COL28A1: variants seen among roughly 807,000 people sequenced by gnomAD.
The protein encoded by COL28A1 is collagen alpha-1(XXVIII) chain.
A neutral mutation model predicts 150.2 loss-of-function variants in COL28A1; 161 were observed. The ratio of observed to expected loss-of-function variants is 1.07; its 90% CI spans 0.94 to 1.22. The LOEUF (loss-of-function observed/expected upper bound fraction) is 1.22, where lower values mean the gene tolerates loss of function less well. Among genes scored for constraint, COL28A1 ranks in the 50% most tolerant of loss-of-function variants. The pLI is 0.00. For missense variants in COL28A1, 1,617 were observed against 1,388.3 expected (o/e 1.16, Z -2.62); for synonymous variants, 552 against 469.7 (o/e 1.18, Z -2.26).
chr7:7,526,391 G>C (rs1782026152), intron 3 of COL28A1, among the ~76,000 whole-genome samples: 2 of 152,184 alleles, frequency 1.3e-5, no homozygotes, highest in Middle Eastern at 3.2e-3. Context: ...GAGTGCAAAA[G>C]CAAGTTGTAG....
At chr7:7,538,174 C>G (rs1396988226), upstream of COL28A1, among the ~76,000 whole-genome samples, 1 of 152,178 alleles carries the variant, frequency 6.6e-6, no homozygotes, top group Admixed American at 6.5e-5. Context: ...TTTCATCAAT[C>G]TATAAAAGAC....
chr7:7,343,283 T>G, the COL28A1 span, among the ~76,000 whole-genome samples: 4 of 152,060 alleles, frequency 2.6e-5, no homozygotes, highest in African/African-American at 9.7e-5. Flanking sequence ...GGTATCACCT[T>G]TTTAAAATTG....
intron 30 of COL28A1, among the ~76,000 whole-genome samples, chr7:7,379,636 C>T (rs1342770675): frequency 2.0e-5 from 3 of 152,182 alleles, no homozygotes. Flanking sequence ...TTACTGGATA[C>T]ATCCAATAAA....
At chr7:7,383,236 A>C (rs1583257694) in intron 27 of COL28A1, among the ~76,000 whole-genome samples, 1 of 149,384 alleles carries the variant, frequency 6.7e-6, no homozygotes, top group African/African-American at 2.5e-5. Flanking sequence ...TCAAAATAAT[A>C]CATCTTTTTT....
intron 11 of COL28A1, among the ~76,000 whole-genome samples, chr7:7,498,233 A>C (rs1780325522): frequency 1.3e-5 from 2 of 152,120 alleles, no homozygotes; most frequent in Admixed American, 1.3e-4. Flanking sequence ...AATGCAAGTC[A>C]TTTTCTCTGA....
chr7:7,410,807 C>A (rs898253565), intron 27 of COL28A1, among the ~76,000 whole-genome samples: 6 of 152,162 alleles, frequency 3.9e-5, no homozygotes, highest in African/African-American at 1.4e-4. Flanking sequence ...AGGAAAAATT[C>A]CTCATGTCAA....
At position 7,456,205 on chromosome 7, in the gene COL28A1, A is replaced by G. The variant is rs116571285; in HGVS notation, c.1303-93T>C. 1,415 of 1,419,418 alleles carry G rather than the reference A, an allele frequency of 1.0e-3. 15 individuals are homozygous for G. The African/African-American group carries it at 0.019, about 19-fold the overall frequency. 87.9% of individuals were successfully genotyped at this position (1,419,418 alleles called of 1,614,324 possible). On this transcript the variant is annotated intron_variant, in intron 15 of 34. Transcript: ENST00000399429. ...CTGGAATTGGGCTGTGTTAAAATCT[A>G]TCTTTATACTATAAAAAAAATTCAA...
intron 27 of COL28A1, among the ~76,000 whole-genome samples, chr7:7,408,663 C>T (rs1362241972): frequency 6.6e-6 from 1 of 152,094 alleles, no homozygotes. Flanking sequence ...GTTGTTTTTC[C>T]TTGTAAAGCT....
Position 7,389,925 on chromosome 7 carries a change from A to C in COL28A1, c.2137-8313T>G, listed in dbSNP as rs187129437. Among the ~76,000 whole-genome samples the C allele has an allele frequency of 8.5e-4, 129 of 152,314 alleles. 1 individual carries two copies. Among genetic ancestry groups the C allele is most frequent in the Middle Eastern group, 3.4e-3 (1 of 294 alleles). On this transcript the variant is annotated intron_variant, in intron 27 of 34. Transcript: ENST00000399429. Reference sequence around the variant, plus strand: ...GACAATAGTGTTTTCTAAATATACAACCACGTCATCTGTAGGGACAATTTG... The same window carrying C: ...GACAATAGTGTTTTCTAAATATACACCCACGTCATCTGTAGGGACAATTTG...
At chr7:7,434,286 G>T (rs1785189169) in intron 23 of COL28A1, among the ~76,000 whole-genome samples, 1 of 152,162 alleles carries the variant, frequency 6.6e-6, no homozygotes, top group Non-Finnish European at 1.5e-5. Context: ...ATGGTCTTCA[G>T]GACAGGTAAA....
chr7:7,444,422 T>C lies in COL28A1; in HGVS notation c.1577A>G (p.Lys526Arg), dbSNP rs1434992862. Residue 526 changes from lysine to arginine, a missense_variant, in exon 19 of 35, where the codon AAG (lysine) becomes AGG (arginine). Coordinates refer to ENST00000399429, the MANE Select transcript of COL28A1 (RefSeq NM_001037763.3). ...ATACGAAAAACTTGGTGTTACCTTC[T>C]TCCCTGCAGCTCCATCTTCTCCTGG... ...GVPGEDGAAG[K>R]KGEAGLPGAR... 3.7e-6 allele frequency: 6 copies of C among 1,614,094 alleles called. No individual in the cohort carries two copies. The South Asian group carries it at 6.6e-5, about 18-fold the overall frequency.
chr7:7,492,776 G>A (rs1019818029), intron 11 of COL28A1, among the ~76,000 whole-genome samples: 1 of 151,318 alleles, frequency 6.6e-6, no homozygotes, highest in African/African-American at 2.4e-5. Context: ...ATATTTAAGT[G>A]GATTGAATTC....
intron 13 of COL28A1, among the ~76,000 whole-genome samples, chr7:7,480,895 C>T (rs188786361): frequency 8.6e-4 from 131 of 152,290 alleles, no homozygotes; most frequent in African/African-American, 3.0e-3. Context: ...CTCTGCAAAG[C>T]ACAACATCCT....
chr7:7,525,484 AT>A (rs1781973773), intron 3 of COL28A1, among the ~76,000 whole-genome samples: 1 of 152,216 alleles, frequency 6.6e-6, no homozygotes, highest in Admixed American at 6.5e-5. Context: ...TAACCTAGAA[AT>A]TATGTGTCAA....
chr7:7,469,752 CA>C (rs1788278623), intron 15 of COL28A1, among the ~76,000 whole-genome samples: 1 of 32,668 alleles, frequency 3.1e-5, no homozygotes, highest in African/African-American at 1.2e-4. Flanking sequence ...GTACTGGTAC[CA>C]AAACAGAGAT....
intron 13 of COL28A1, among the ~76,000 whole-genome samples, chr7:7,480,988 T>C (rs1218610238): frequency 1.3e-5 from 2 of 152,228 alleles, no homozygotes; most frequent in Non-Finnish European, 2.9e-5. Flanking sequence ...TTAAATCTTT[T>C]ACAGATTAAG....
downstream of COL28A1, among the ~76,000 whole-genome samples, chr7:7,352,798 A>G (rs1780260930): frequency 6.6e-6 from 1 of 152,216 alleles, no homozygotes; most frequent in Non-Finnish European, 1.5e-5. Flanking sequence ...AATTTGTTAT[A>G]GCAGCAAAAG....
At chr7:7,504,743 A>G (rs1218870565) in intron 11 of COL28A1, among the ~76,000 whole-genome samples, 1 of 152,194 alleles carries the variant, frequency 6.6e-6, no homozygotes, top group Non-Finnish European at 1.5e-5. Context: ...GAAAATGCTA[A>G]GCCAGTATGA....
chr7:7,469,697 T>C (rs1260880310), intron 15 of COL28A1, among the ~76,000 whole-genome samples: 111 of 76,542 alleles, frequency 1.5e-3, no homozygotes, highest in Non-Finnish European at 2.6e-3. Context: ...TCACACTACC[T>C]GACTTCAAAC....
Sources: gnomAD v4.1 joint callset for allele counts (sites outside exome capture counted in the v4.1 genomes callset) on GRCh38, gnomAD v4.1.1 for gene constraint, MANE v1.5 for transcripts, NCBI Gene and HGNC (gene_info 2026-07-23, HGNC 2026-07-21) for gene names.